Variants in CNTNAP2 observed in about 807,000 individuals in gnomAD.
The protein encoded by CNTNAP2 is contactin associated protein 2.
In CNTNAP2, 98 loss-of-function variants were observed where a neutral mutation model predicts 155.2. The ratio of observed to expected loss-of-function variants is 0.63; its 90% confidence interval spans 0.54 to 0.75. The LOEUF is 0.75. CNTNAP2 is among the 30% of genes least tolerant of loss of function. The pLI, the probability that CNTNAP2 is intolerant of heterozygous loss-of-function variation, is 0.00. For missense variants in CNTNAP2, 1,727 were observed against 1,688.1 expected (o/e 1.02, Z -0.40); for synonymous variants, 651 against 631.2 (o/e 1.03, Z -0.47).
chr7:147,415,462 C>G (rs573133625), intron 10 of CNTNAP2, among the ~76,000 whole-genome samples: 14 of 152,272 alleles, frequency 9.2e-5, no homozygotes, highest in African/African-American at 3.1e-4. Context: ...TGAGCTCTCA[C>G]GAGATCTGAT....
intron 1 of CNTNAP2, among the ~76,000 whole-genome samples, chr7:146,538,400 C>A (rs1797902142): frequency 6.6e-6 from 1 of 152,062 alleles, no homozygotes; most frequent in Non-Finnish European, 1.5e-5. Context: ...CTCATGTTTA[C>A]CATGCATCCT....
At chr7:147,947,793 A>C (rs1800846242) in intron 14 of CNTNAP2, among the ~76,000 whole-genome samples, 1 of 152,178 alleles carries the variant, frequency 6.6e-6, no homozygotes, top group South Asian at 2.1e-4. Context: ...CCAAAGAGCC[A>C]TATTTTTGGA....
chr7:147,775,267 T>TATATTTA (rs1797547261), intron 13 of CNTNAP2, among the ~76,000 whole-genome samples: 3 of 73,726 alleles, frequency 4.1e-5, no homozygotes, highest in Admixed American at 2.1e-4. Context: ...ATAAATATAT[T>TATATTTA]TATATATATA....
chr7:147,589,755 G>C (rs969027945), intron 12 of CNTNAP2, among the ~76,000 whole-genome samples: 1 of 151,970 alleles, frequency 6.6e-6, no homozygotes, highest in African/African-American at 2.4e-5. Context: ...GAATATTCTT[G>C]TAAATGTCAC....
rs771457125 is a variant in CNTNAP2 at position 146,181,518 on chromosome 7, C to T, written c.97+64545C>T. On this transcript the variant is annotated intron_variant, in intron 1 of 23. Transcript: ENST00000361727. Reference sequence around the variant, plus strand: ...GCGGTTTTACATATCCTTCCATAACCGTGCCACTTGATAATACATTTTTTT... The same window carrying T: ...GCGGTTTTACATATCCTTCCATAACTGTGCCACTTGATAATACATTTTTTT... 7.9e-5 allele frequency among the ~76,000 whole-genome samples: 12 copies of T among 152,038 alleles called. No individual in the cohort carries two copies. The East Asian group carries it at 9.7e-4, about 12-fold the overall frequency.
chr7:147,346,141 TTA>T (rs1491208440), intron 9 of CNTNAP2, among the ~76,000 whole-genome samples: 10 of 50,694 alleles, frequency 2.0e-4, no homozygotes, highest in African/African-American at 1.1e-3. Flanking sequence ...TTATTTTATT[TTA>T]TTTTATTTTA....
At chr7:147,132,577 TG>T in intron 8 of CNTNAP2, 68 bp downstream of exon 8, 1 of 1,602,328 alleles carries the variant, frequency 6.2e-7, no homozygotes, top group South Asian at 1.1e-5. Context: ...TGTTGTGCTT[TG>T]TTTGGTTTTG....
At chr7:147,485,314 T>A (rs186279944) in intron 10 of CNTNAP2, among the ~76,000 whole-genome samples, 18 of 152,346 alleles carry the variant, frequency 1.2e-4, no homozygotes, top group East Asian at 9.6e-4. Context: ...CTACAATTAG[T>A]CATCTTAATA....
intron 1 of CNTNAP2, among the ~76,000 whole-genome samples, chr7:146,679,476 C>T (rs1401496488): frequency 3.3e-5 from 5 of 151,532 alleles, no homozygotes; most frequent in Non-Finnish European, 7.4e-5. Context: ...CTGCCTCAGC[C>T]TCCTGAGTGG....
intron 13 of CNTNAP2, among the ~76,000 whole-genome samples, chr7:147,650,348 G>A (rs898681000): frequency 2.1e-4 from 32 of 152,110 alleles, no homozygotes; most frequent in Non-Finnish European, 4.3e-4. Context: ...AATACAATGA[G>A]GGTAAAAATA....
chr7:147,555,786 C>G (rs1013234523), intron 11 of CNTNAP2, among the ~76,000 whole-genome samples: 7 of 152,200 alleles, frequency 4.6e-5, no homozygotes, highest in African/African-American at 7.2e-5. Flanking sequence ...AATTGTTTCT[C>G]TCAAAGCACG....
chr7:147,342,084 G>A (rs1289038794), intron 9 of CNTNAP2, among the ~76,000 whole-genome samples: 4 of 152,062 alleles, frequency 2.6e-5, no homozygotes, highest in Non-Finnish European at 4.4e-5. Context: ...ACATGACTGA[G>A]AGAGACTGGA....
intron 13 of CNTNAP2, among the ~76,000 whole-genome samples, chr7:147,852,937 T>A (rs1205573853): frequency 6.6e-6 from 1 of 152,160 alleles, no homozygotes; most frequent in Non-Finnish European, 1.5e-5. Flanking sequence ...ACCCCTTTAA[T>A]CCAGTGCTCA....
At chr7:146,157,888 G>C (rs183922554) in intron 1 of CNTNAP2, among the ~76,000 whole-genome samples, 4 of 152,170 alleles carry the variant, frequency 2.6e-5, no homozygotes, top group Admixed American at 2.6e-4. Flanking sequence ...AGAGAGTAGT[G>C]GTTCTCCCAG....
intron 3 of CNTNAP2, among the ~76,000 whole-genome samples, chr7:146,954,927 T>C (rs911802734): frequency 1.3e-5 from 2 of 151,902 alleles, no homozygotes; most frequent in African/African-American, 4.8e-5. Context: ...TCTTAAACCA[T>C]GCAAAGCTCC....
At chr7:146,873,161 CCTGT>C (rs1405090601) in intron 3 of CNTNAP2, among the ~76,000 whole-genome samples, 1 of 152,074 alleles carries the variant, frequency 6.6e-6, no homozygotes, top group Non-Finnish European at 1.5e-5. Context: ...TTCTTATATG[CCTGT>C]CTATTAATGC....
intron 8 of CNTNAP2, among the ~76,000 whole-genome samples, chr7:147,176,623 T>A (rs1010884728): frequency 1.4e-5 from 2 of 142,822 alleles, no homozygotes; most frequent in Non-Finnish European, 3.0e-5. Flanking sequence ...TATACTTACA[T>A]ACACACGTAT....
chr7:146,858,618 C>T (rs1045648000), intron 3 of CNTNAP2, among the ~76,000 whole-genome samples: 4 of 152,110 alleles, frequency 2.6e-5, no homozygotes, highest in Admixed American at 6.6e-5. Flanking sequence ...CACCTGAGTC[C>T]AGGAGGTCGA....
intron 3 of CNTNAP2, among the ~76,000 whole-genome samples, chr7:147,042,380 G>A (rs998149770): frequency 6.6e-6 from 1 of 152,268 alleles, no homozygotes; most frequent in Non-Finnish European, 1.5e-5. Context: ...AAATCTTTCA[G>A]TATACTTCTC....
Sources: gnomAD v4.1 joint callset for allele counts (sites outside exome capture counted in the v4.1 genomes callset) on GRCh38, gnomAD v4.1.1 for gene constraint, MANE v1.5 for transcripts, NCBI Gene and HGNC (gene_info 2026-07-23, HGNC 2026-07-21) for gene names.